NHSL1: variants seen among roughly 807,000 people sequenced by gnomAD.
The protein encoded by NHSL1 is NHS like 1.
Under a neutral mutation model 95.0 loss-of-function variants are expected in NHSL1, and 48 were observed. That is an observed-to-expected ratio of 0.51 (90% CI 0.40 to 0.64). The LOEUF is 0.64. NHSL1 is among the 30% of genes least tolerant of loss of function. The pLI is 0.00. For synonymous variants in NHSL1, 783 were observed against 833.9 expected, an observed-to-expected ratio of 0.94 and a Z score of 1.05; for missense variants, 1,971 against 2,077.7, an observed-to-expected ratio of 0.95 and a Z score of 1.00.
In NHSL1 at chr6:138,650,385, A is replaced by G. The variant is rs538204116; in HGVS notation, c.96+42091T>C. On this transcript the variant is annotated intron_variant, in intron 1 of 3. Coordinates refer to the NHSL1 transcript ENST00000491526. Reference sequence around the variant, plus strand: ...CTGCAGCCCACAGTTGTTCACAGCCATGAGGTCGCCGACTAGCAGGAAGGG... The same window carrying G: ...CTGCAGCCCACAGTTGTTCACAGCCGTGAGGTCGCCGACTAGCAGGAAGGG... The G allele has an allele frequency of 4.3e-6, 6 of 1,402,512 alleles. No individual in the cohort carries two copies. In the East Asian group the frequency reaches 1.3e-4, roughly 29 times the overall value. 86.9% of individuals were successfully genotyped at this position (1,402,512 alleles called of 1,614,324 possible). A position where few individuals can be genotyped will look rare whatever the true frequency, so the allele number is the denominator to read the frequency against.
At chr6:138,632,222 G>C (rs1784828786) in intron 1 of NHSL1, among the ~76,000 whole-genome samples, 1 of 152,218 alleles carries the variant, frequency 6.6e-6, no homozygotes, top group Admixed American at 6.5e-5. Flanking sequence ...ACACCAGGTA[G>C]ACTTGTAAGG....
intron 1 of NHSL1, among the ~76,000 whole-genome samples, chr6:138,594,902 G>A (rs1267974010): frequency 6.6e-6 from 1 of 152,158 alleles, no homozygotes; most frequent in Admixed American, 6.5e-5. Flanking sequence ...TTCAGGGGCC[G>A]CCTGCTGTGG....
intron 1 of NHSL1, among the ~76,000 whole-genome samples, chr6:138,667,057 G>A (rs1466317198): frequency 6.6e-6 from 1 of 152,096 alleles, no homozygotes; most frequent in Non-Finnish European, 1.5e-5. Flanking sequence ...CAGAATTTTT[G>A]TCAGTTTCTT....
intron 1 of NHSL1, among the ~76,000 whole-genome samples, chr6:138,672,801 G>A (rs1415842144): frequency 2.6e-5 from 4 of 152,084 alleles, no homozygotes; most frequent in Admixed American, 6.6e-5. Flanking sequence ...GGCAGATCAC[G>A]AGGTCAGGAA....
chr6:138,663,062 CAAAAAA>C (rs10632082), intron 1 of NHSL1, among the ~76,000 whole-genome samples: 27 of 126,682 alleles, frequency 2.1e-4, no homozygotes, highest in Admixed American at 1.1e-3. Context: ...GAACTCACGG[CAAAAAA>C]AAAAAGAAAA....
chr6:138,654,120 G>A (rs902797926), intron 1 of NHSL1, among the ~76,000 whole-genome samples: 2 of 152,198 alleles, frequency 1.3e-5, no homozygotes, highest in African/African-American at 4.8e-5. Flanking sequence ...CATGAAATAG[G>A]CAGCAGAGAA....
chr6:138,426,137 G>A, intron 7 of NHSL1, among the ~76,000 whole-genome samples: 1 of 152,208 alleles, frequency 6.6e-6, no homozygotes, highest in South Asian at 2.1e-4. Flanking sequence ...AAGTGCAGGA[G>A]AACTTGCTTT....
chr6:138,504,083 AT>A (rs112224268), upstream of NHSL1, among the ~76,000 whole-genome samples: 5,898 of 75,376 alleles, frequency 0.078, 353 homozygotes, highest in African/African-American at 0.18. Context: ...TACAAAAAAA[AT>A]ATTAGCCCGG....
At position 138,432,776 on chromosome 6, in the gene NHSL1, G is replaced by A. The variant is rs1775792234; in HGVS notation, c.1569C>T (p.Asn523=). 3 of 1,551,694 alleles carry A rather than the reference G, an allele frequency of 1.9e-6. No homozygotes were observed. Among genetic ancestry groups the A allele is most frequent in the African/African-American group, 2.7e-5 (2 of 73,142 alleles). ...CTTGGGGGTGGGCTGGGAAGGCCAG[G>A]TTGTTTCTACAATTATACGGCATAG... ...SQAMPYNCRN[N]LAFPAHPQDV... is the part of the protein sequence containing the mutation. The change falls in exon 6 of 8, where the codon AAC becomes AAT. Residue 523 remains asparagine, a synonymous_variant. Transcript: ENST00000343505. This position sits in a 1 kb window ranked among gnomAD's most constrained non-coding sequence, Gnocchi z 4.4.
intron 2 of NHSL1, among the ~76,000 whole-genome samples, chr6:138,478,018 T>G: frequency 7.3e-6 from 1 of 137,912 alleles, no homozygotes; most frequent in Non-Finnish European, 1.6e-5. Flanking sequence ...GTCACTTTTT[T>G]TTTTTTTTTT....
chr6:138,528,637 A>G (rs1428416501), intron 1 of NHSL1, among the ~76,000 whole-genome samples: 1 of 152,246 alleles, frequency 6.6e-6, no homozygotes, highest in African/African-American at 2.4e-5. Context: ...GCTATTAATT[A>G]TCACCCTATA....
chr6:138,580,768 G>A (rs1289056844), intron 1 of NHSL1, among the ~76,000 whole-genome samples: 3 of 152,242 alleles, frequency 2.0e-5, no homozygotes, highest in South Asian at 2.1e-4. Context: ...TAGCATGGGT[G>A]GAGGGAGAGA....
chr6:138,432,590 G>A lies in NHSL1; in HGVS notation c.1755C>T (p.Cys585=). ...YSTPTSNMSS[C]SLDQTSNKED... is the part of the protein sequence containing the mutation. ...CTTTGTTGGACGTTTGGTCCAAACT[G>A]CAGCTGCTCATGTTACTTGTGGGAG... The change falls in exon 6 of 8, where the codon TGC becomes TGT. Residue 585 remains cysteine (C), a synonymous_variant. Transcript: ENST00000343505. This position sits in a 1 kb window ranked among gnomAD's most constrained non-coding sequence, Gnocchi z 4.4. The A allele has an allele frequency of 1.9e-6, 3 of 1,551,640 alleles. No homozygotes were observed. The highest frequency in any genetic ancestry group is 2.6e-6 in the Non-Finnish European group (3 of 1,146,784).
At chr6:138,507,952 C>T (rs946554708) in intron 1 of NHSL1, among the ~76,000 whole-genome samples, 2 of 152,134 alleles carry the variant, frequency 1.3e-5, no homozygotes, top group African/African-American at 2.4e-5. Flanking sequence ...TCCACTTTGC[C>T]AGTTAATTTT....
intron 1 of NHSL1, among the ~76,000 whole-genome samples, chr6:138,688,519 CT>C (rs1785617720): frequency 6.6e-6 from 1 of 152,008 alleles, no homozygotes. Context: ...TGGTGGGCAT[CT>C]GTAATCCCAG....
chr6:138,641,887 ATTTCAATGCTTCCC>A (rs1784964079), intron 1 of NHSL1, among the ~76,000 whole-genome samples: 1 of 152,140 alleles, frequency 6.6e-6, no homozygotes, highest in Admixed American at 6.6e-5. Context: ...TTCTATAAAT[ATTTCAATGCTTCCC>A]TCACATAAAA....
At position 138,641,622 on chromosome 6, in the gene NHSL1, C is replaced by CAAAA. The variant is rs771307557; in HGVS notation, c.96+50850_96+50853dup. Among the ~76,000 whole-genome samples the CAAAA allele has an allele frequency of 9.2e-5, 7 of 76,430 alleles. No homozygotes were observed. The East Asian group carries it at 1.1e-3, about 12-fold the overall frequency. The allele number at this position is 76,430 out of a possible 152,430, so 50.1% of individuals were successfully genotyped here. ...TGGGTGACAGAGTGAGACTCCGTCT[C>CAAAA]AAAAAAAAAAAAAAAAAAAAAAAAT... On this transcript the variant is annotated intron_variant, in intron 1 of 3. Transcript: ENST00000491526.
chr6:138,499,146 CACACACACACACAG>C (rs1314416288), intron 1 of NHSL1, 73 bp downstream of exon 1: 45 of 871,558 alleles, frequency 5.2e-5, no homozygotes, highest in Non-Finnish European at 7.1e-5. Flanking sequence ...CACACACACA[CACACACACACACAG>C]ACACACAGGG....
intron 1 of NHSL1, among the ~76,000 whole-genome samples, chr6:138,524,913 T>TC (rs1474850509): frequency 6.6e-6 from 1 of 152,166 alleles, no homozygotes; most frequent in Non-Finnish European, 1.5e-5. Context: ...TACTTAAAAA[T>TC]CATCTGAATG....
Sources: allele counts gnomAD v4.1 joint callset (sites outside exome capture counted in the v4.1 genomes callset), GRCh38; gene constraint gnomAD v4.1.1; non-coding constraint Gnocchi (gnomAD v3.1); transcripts MANE v1.5; gene names NCBI Gene and HGNC (gene_info 2026-07-23, HGNC 2026-07-21).